The following ADAMTSL1 variants were observed in gnomAD, a reference collection of about 807,000 sequenced individuals.
The protein encoded by ADAMTSL1 is ADAMTS like 1.
ADAMTSL1 carries 126 observed loss-of-function variants against 201.8 expected under a neutral mutation model. The ratio of observed to expected loss-of-function variants is 0.62; its 90% CI spans 0.54 to 0.72. The LOEUF (loss-of-function observed/expected upper bound fraction) is 0.72. ADAMTSL1 is among the 30% of genes least tolerant of loss of function. The pLI, the probability that ADAMTSL1 is intolerant of heterozygous loss-of-function variation, is 0.00. For missense variants in ADAMTSL1, 2,679 were observed against 2,277.8 expected, an observed-to-expected ratio of 1.18 and a Z score of -3.59; for synonymous variants, 1,121 against 903.4, an observed-to-expected ratio of 1.24 and a Z score of -4.32.
chr9:18,459,775 C>T (rs918150219), intron 2 of ADAMTSL1, among the ~76,000 whole-genome samples: 1 of 152,096 alleles, frequency 6.6e-6, no homozygotes, highest in African/African-American at 2.4e-5. Context: ...AGCTTATTAA[C>T]CCACATTGCT....
At chr9:18,616,060 C>T (rs1393958797) in intron 4 of ADAMTSL1, among the ~76,000 whole-genome samples, 1 of 151,966 alleles carries the variant, frequency 6.6e-6, no homozygotes, top group Admixed American at 6.6e-5. Context: ...AAGTCTCGTT[C>T]TGTTGCCCAG....
chr9:18,095,730 A>T (rs1173935258), intron 1 of ADAMTSL1, among the ~76,000 whole-genome samples: 1 of 152,072 alleles, frequency 6.6e-6, no homozygotes, highest in Non-Finnish European at 1.5e-5. Flanking sequence ...GCCCTCCCTG[A>T]TAAATTTCTT....
intron 5 of ADAMTSL1, among the ~76,000 whole-genome samples, chr9:18,624,812 GA>G (rs1423800529): frequency 1.3e-5 from 2 of 152,136 alleles, no homozygotes; most frequent in African/African-American, 4.8e-5. Context: ...ATACCTCAAT[GA>G]AAAGTGCCCT....
intron 2 of ADAMTSL1, among the ~76,000 whole-genome samples, chr9:18,297,030 T>C (rs964177444): frequency 6.6e-6 from 1 of 152,184 alleles, no homozygotes; most frequent in Non-Finnish European, 1.5e-5. Context: ...TAAAAAGAGA[T>C]ACATAAAAGT....
At chr9:18,114,244 A>G (rs1715771257) in intron 1 of ADAMTSL1, among the ~76,000 whole-genome samples, 1 of 152,168 alleles carries the variant, frequency 6.6e-6, no homozygotes, top group Admixed American at 6.5e-5. Context: ...CATTTGATGA[A>G]AGTTGGCCAT....
intron 2 of ADAMTSL1, among the ~76,000 whole-genome samples, chr9:18,396,495 CTT>C (rs1342855435): frequency 6.8e-6 from 1 of 147,188 alleles, no homozygotes; most frequent in African/African-American, 2.5e-5. Context: ...AAATATTAAA[CTT>C]TAATGAGTGA....
intron 2 of ADAMTSL1, among the ~76,000 whole-genome samples, chr9:18,294,274 A>C (rs1487984411): frequency 6.6e-6 from 1 of 152,254 alleles, no homozygotes; most frequent in African/African-American, 2.4e-5. Context: ...TTATAAACTT[A>C]GAATTCTTCA....
At chr9:18,522,630 C>G (rs1376017710) in intron 2 of ADAMTSL1, among the ~76,000 whole-genome samples, 2 of 146,898 alleles carry the variant, frequency 1.4e-5, no homozygotes, top group African/African-American at 2.6e-5. Context: ...GTGATGTTCC[C>G]CTTCCTGTGT....
intron 1 of ADAMTSL1, among the ~76,000 whole-genome samples, chr9:18,153,460 T>C (rs1827010863): frequency 6.6e-6 from 1 of 152,056 alleles, no homozygotes. Flanking sequence ...TAGAACTCAA[T>C]TCTGTACCAG....
At chr9:18,510,726 G>A (rs61162689) in intron 2 of ADAMTSL1, among the ~76,000 whole-genome samples, 31,948 of 151,370 alleles carry the variant, frequency 0.21, 3,815 homozygotes, top group African/African-American at 0.32. Flanking sequence ...ATCTAGTATC[G>A]CTAAGTAGAA....
chr9:18,108,061 A>C (rs1231304508), intron 1 of ADAMTSL1, among the ~76,000 whole-genome samples: 2 of 152,158 alleles, frequency 1.3e-5, no homozygotes, highest in Non-Finnish European at 2.9e-5. Flanking sequence ...CACTTGAGAA[A>C]AGTCTTTCTA....
At chr9:18,094,222 A>G (rs1387432073) in intron 1 of ADAMTSL1, among the ~76,000 whole-genome samples, 1 of 152,174 alleles carries the variant, frequency 6.6e-6, no homozygotes, top group Non-Finnish European at 1.5e-5. Context: ...ATTTATCTCC[A>G]TTTTACAGAT....
chr9:18,052,966 C>T (rs1332281062), intron 1 of ADAMTSL1, among the ~76,000 whole-genome samples: 1 of 152,096 alleles, frequency 6.6e-6, no homozygotes, highest in Non-Finnish European at 1.5e-5. Context: ...AATGGGTTGT[C>T]TTCAAGTTTC....
intron 1 of ADAMTSL1, among the ~76,000 whole-genome samples, chr9:17,993,111 A>G (rs879872809): frequency 1.3e-5 from 2 of 152,176 alleles, no homozygotes; most frequent in Non-Finnish European, 2.9e-5. Context: ...TATGGGATTT[A>G]CCTCTCTAGA....
chr9:18,064,047 TA>T lies in ADAMTSL1; in HGVS notation c.88-99808del, dbSNP rs902386143. 9.2e-5 allele frequency among the ~76,000 whole-genome samples: 14 copies of T among 152,092 alleles called. 1 individual carries two copies. The highest frequency in any genetic ancestry group is 1.3e-4 in the Admixed American group (2 of 15,256). On this transcript the variant is annotated intron_variant, in intron 1 of 29. Transcript: ENST00000680146. ...TGAATCCCCTCTCTTTTTTCAAAGT[TA>T]AAAAAATAAAAGAAACAGGGAAACA...
At chr9:18,283,458 T>G (rs1311447457) in intron 2 of ADAMTSL1, among the ~76,000 whole-genome samples, 2 of 151,740 alleles carry the variant, frequency 1.3e-5, no homozygotes, top group Admixed American at 6.6e-5. Flanking sequence ...TTTTAAAAGT[T>G]AACTGAGTAT....
intron 1 of ADAMTSL1, among the ~76,000 whole-genome samples, chr9:18,151,411 A>T (rs1235506554): frequency 1.3e-5 from 2 of 151,970 alleles, no homozygotes; most frequent in Non-Finnish European, 2.9e-5. Context: ...AATTCCTCTA[A>T]ATTTTTTCTT....
chr9:18,351,441 T>C (rs4961462), intron 2 of ADAMTSL1, among the ~76,000 whole-genome samples: 46,484 of 147,304 alleles, frequency 0.32, 7,973 homozygotes, highest in East Asian at 0.6. Context: ...TAAAACCCCC[T>C]TTTTTTTTTA....
chr9:18,109,628 G>C (rs1007250878), intron 1 of ADAMTSL1, among the ~76,000 whole-genome samples: 1 of 152,104 alleles, frequency 6.6e-6, no homozygotes, highest in African/African-American at 2.4e-5. Flanking sequence ...GTCATCCTGG[G>C]ACAAACAGAT....
Sources: gnomAD v4.1 joint callset for allele counts (sites outside exome capture counted in the v4.1 genomes callset) on GRCh38, gnomAD v4.1.1 for gene constraint, MANE v1.5 for transcripts, NCBI Gene and HGNC (gene_info 2026-07-23, HGNC 2026-07-21) for gene names.